WASF1: variants seen among roughly 807,000 people sequenced by gnomAD.
WASF1 encodes the protein actin-binding protein WASF1.
In WASF1, 7 loss-of-function variants were observed where a neutral mutation model predicts 50.5. The ratio of observed to expected loss-of-function variants is 0.14; its 90% CI spans 0.08 to 0.26. WASF1 has a LOEUF of 0.26. Ranked by LOEUF, WASF1 falls within the 10% of genes least tolerant of loss-of-function variation. The pLI, the probability that WASF1 is intolerant of heterozygous loss-of-function variation, is 1.00. For synonymous variants in WASF1, 205 were observed against 244.0 expected (o/e 0.84, Z 1.49); for missense variants, 470 against 694.7 (o/e 0.68, Z 3.64).
intron 3 of WASF1, among the ~76,000 whole-genome samples, chr6:110,145,604 G>GGCT (rs1227214690): frequency 4.1e-4 from 63 of 152,162 alleles, no homozygotes; most frequent in African/African-American, 1.4e-3. Flanking sequence ...GTTTGTCATA[G>GGCT]GTAGCTCTTA....
intron 2 of WASF1, among the ~76,000 whole-genome samples, chr6:110,162,113 G>A (rs1352223738): frequency 6.6e-6 from 1 of 151,334 alleles, no homozygotes; most frequent in East Asian, 1.9e-4. Context: ...TACATTCAAT[G>A]TACTTTTCAA....
At chr6:110,179,088 G>A (rs1777078629) in intron 1 of WASF1, among the ~76,000 whole-genome samples, 1 of 152,248 alleles carries the variant, frequency 6.6e-6, no homozygotes, top group Non-Finnish European at 1.5e-5. Context: ...CCCCCGGAAA[G>A]AGGCACGGGG....
Position 110,100,724 on chromosome 6 carries a change from A to C in WASF1, c.1523-45T>G, listed in dbSNP as rs903776681. 4.1e-6 allele frequency: 6 copies of C among 1,474,336 alleles called. No homozygotes were observed. The African/African-American group carries it at 4.3e-5, about 11-fold the overall frequency. The allele number at this position is 1,474,336 out of a possible 1,614,324, so 91.3% of individuals were successfully genotyped here. A position where few individuals can be genotyped will look rare whatever the true frequency, so the allele number is the denominator to read the frequency against. On this transcript the variant is annotated intron_variant, in intron 10 of 10. Coordinates refer to ENST00000392589, the MANE Select transcript of WASF1 (RefSeq NM_003931.3). ...CCATTCATTTAAATCAAAATACTAG[A>C]TACTAGATATTATTAATATTTCTGG...
At chr6:110,112,611 C>A (rs1345760480) in intron 5 of WASF1, among the ~76,000 whole-genome samples, 3 of 152,026 alleles carry the variant, frequency 2.0e-5, no homozygotes, top group Admixed American at 2.0e-4. Context: ...ATATTAAAAG[C>A]AGTTACATAG....
At chr6:110,130,896 T>C (rs1000731536) in intron 3 of WASF1, among the ~76,000 whole-genome samples, 4 of 151,834 alleles carry the variant, frequency 2.6e-5, no homozygotes, top group African/African-American at 4.9e-5. Flanking sequence ...CTTGAGGGTA[T>C]GTTGTGGCTA....
intron 3 of WASF1, among the ~76,000 whole-genome samples, chr6:110,128,815 T>C (rs1774528745): frequency 6.6e-6 from 1 of 152,182 alleles, no homozygotes. Flanking sequence ...CATTACTGCC[T>C]GAGTTCCACC....
intron 3 of WASF1, among the ~76,000 whole-genome samples, chr6:110,134,982 T>C (rs1270081468): frequency 1.3e-5 from 2 of 152,208 alleles, no homozygotes; most frequent in African/African-American, 4.8e-5. Flanking sequence ...ACAATACTGA[T>C]TCTACCCACC....
intron 4 of WASF1, among the ~76,000 whole-genome samples, chr6:110,123,277 C>A (rs1012805429): frequency 8.6e-5 from 13 of 151,874 alleles, no homozygotes; most frequent in Non-Finnish European, 1.3e-4. Flanking sequence ...CCCAGGGATG[C>A]CCAAGATATA....
intron 2 of WASF1, among the ~76,000 whole-genome samples, chr6:110,176,301 GAATC>G (rs1319071078): frequency 6.6e-6 from 1 of 151,980 alleles, no homozygotes; most frequent in African/African-American, 2.4e-5. Flanking sequence ...AAGTCACAAA[GAATC>G]AAACACACTT....
intron 3 of WASF1, among the ~76,000 whole-genome samples, chr6:110,134,083 A>G (rs951678945): frequency 2.0e-5 from 3 of 152,020 alleles, no homozygotes; most frequent in Non-Finnish European, 2.9e-5. Context: ...ACGCCCAGCT[A>G]ATTTTGTATT....
At chr6:110,170,993 G>C (rs913872717) in intron 2 of WASF1, among the ~76,000 whole-genome samples, 1 of 152,114 alleles carries the variant, frequency 6.6e-6, no homozygotes. Flanking sequence ...ATCACAGCTA[G>C]AGATATCAAC....
chr6:110,120,336 G>A (rs958712800), intron 4 of WASF1, among the ~76,000 whole-genome samples: 1 of 152,308 alleles, frequency 6.6e-6, no homozygotes, highest in Admixed American at 6.5e-5. Flanking sequence ...CGCAACTTCA[G>A]CGAAGTCTCA....
At chr6:110,121,393 C>A (rs1394070819) in intron 4 of WASF1, among the ~76,000 whole-genome samples, 1 of 152,094 alleles carries the variant, frequency 6.6e-6, no homozygotes, top group Non-Finnish European at 1.5e-5. Flanking sequence ...AGGCACTTCC[C>A]AAAAGAAGAC....
chr6:110,139,126 C>T (rs373788101), intron 3 of WASF1, among the ~76,000 whole-genome samples: 4 of 152,364 alleles, frequency 2.6e-5, no homozygotes, highest in African/African-American at 9.6e-5. Flanking sequence ...TGAGCACACA[C>T]ACACCTGGCC....
At chr6:110,173,597 C>T (rs146852087) in intron 2 of WASF1, among the ~76,000 whole-genome samples, 111 of 152,210 alleles carry the variant, frequency 7.3e-4, no homozygotes, top group Non-Finnish European at 1.2e-3. Context: ...TAACAGTTTA[C>T]GCAAAAAGGA....
intron 3 of WASF1, among the ~76,000 whole-genome samples, chr6:110,144,451 G>C (rs1288688989): frequency 6.6e-6 from 1 of 152,176 alleles, no homozygotes; most frequent in African/African-American, 2.4e-5. Context: ...TTGCTGTGCA[G>C]AAGCTCTTTA....
intron 3 of WASF1, among the ~76,000 whole-genome samples, chr6:110,145,973 G>C (rs113509145): frequency 0.025 from 3,328 of 133,568 alleles, 139 homozygotes; most frequent in African/African-American, 0.088. Context: ...CACACACCGG[G>C]GACTGTTGTG....
chr6:110,164,193 T>C (rs1360413466), intron 2 of WASF1, among the ~76,000 whole-genome samples: 2 of 151,612 alleles, frequency 1.3e-5, no homozygotes, highest in East Asian at 1.9e-4. Context: ...CCATGAAAAA[T>C]AATTGGTAAG....
chr6:110,160,065 T>A (rs544336023), intron 3 of WASF1, among the ~76,000 whole-genome samples: 1 of 151,986 alleles, frequency 6.6e-6, no homozygotes, highest in Non-Finnish European at 1.5e-5. Flanking sequence ...CTAGTTAGAA[T>A]AAGTCTAATT....
Sources: allele counts gnomAD v4.1 joint callset (sites outside exome capture counted in the v4.1 genomes callset), GRCh38; gene constraint gnomAD v4.1.1; transcripts MANE v1.5; gene names NCBI Gene and HGNC (gene_info 2026-07-23, HGNC 2026-07-21).